The following NRDC variants were observed in gnomAD, a reference collection of about 807,000 sequenced individuals.
NRDC encodes nardilysin convertase, also known as nardilysin.
A neutral mutation model predicts 147.1 loss-of-function variants in NRDC; 54 were observed. That is an observed-to-expected ratio of 0.37 (90% CI 0.29 to 0.46). The LOEUF is 0.46. Ranked by LOEUF, NRDC falls within the 20% of genes least tolerant of loss-of-function variation. The probability of loss-of-function intolerance (pLI) is 1.00; values close to 1 mark genes in which losing one functional copy is unlikely to be tolerated. For missense variants in NRDC, 1,082 were observed against 1,370.6 expected, an observed-to-expected ratio of 0.79 and a Z score of 3.33; for synonymous variants, 440 against 482.1, an observed-to-expected ratio of 0.91 and a Z score of 1.14.
intron 28 of NRDC, 73 bp from the exon 29 acceptor site, chr1:51,790,722 C>T (rs1282059931): frequency 1.8e-6 from 2 of 1,137,966 alleles, no homozygotes; most frequent in Non-Finnish European, 2.7e-6. Flanking sequence ...TGGGCCCTGT[C>T]CAGCCCGGCT....
intron 2 of NRDC, among the ~76,000 whole-genome samples, chr1:51,839,783 G>GGA (rs947376445): frequency 6.0e-4 from 91 of 152,144 alleles, no homozygotes; most frequent in Non-Finnish European, 1.2e-3. Context: ...AGAGCCCTAG[G>GGA]CCCATGTAAA....
At chr1:51,800,513 C>T in intron 21 of NRDC, 43 bp downstream of exon 21, 1 of 1,608,122 alleles carries the variant, frequency 6.2e-7, no homozygotes. Context: ...GAGAGTAATA[C>T]TTTCAGGTCC....
At chr1:51,791,894 G>A in intron 26 of NRDC, 152 bp downstream of exon 26, 1 of 838,482 alleles carries the variant, frequency 1.2e-6, no homozygotes, top group Non-Finnish European at 1.9e-6. Flanking sequence ...TACAGTCAAA[G>A]ATACAAATTC....
At chr1:51,807,151 TGC>T (rs1285710982) in intron 17 of NRDC, among the ~76,000 whole-genome samples, 7 of 152,252 alleles carry the variant, frequency 4.6e-5, no homozygotes, top group Non-Finnish European at 8.8e-5. Flanking sequence ...CTACACATTC[TGC>T]TTCATTCCCT....
At position 51,790,613 on chromosome 1, in the gene NRDC, T is replaced by C. The variant is rs750718860; in HGVS notation, c.3088A>G (p.Thr1030Ala). The change falls in exon 29 of 31, where the codon ACC (threonine) becomes GCC (alanine). Residue 1030 changes from threonine to alanine, a missense_variant. Transcript: ENST00000352171. ...ALIKLKECED[T>A]HLGEEVDRNW... Reference sequence around the variant, plus strand: ...CTATCCACCTCCTCCCCAAGGTGGGTATCCTCACACTCCTTCAGCTTGATG... The same window carrying C: ...CTATCCACCTCCTCCCCAAGGTGGGCATCCTCACACTCCTTCAGCTTGATG... The C allele has an allele frequency of 4.3e-6, 7 of 1,613,996 alleles. No homozygotes were observed. Among genetic ancestry groups the C allele is most frequent in the South Asian group, 1.1e-5 (1 of 91,084 alleles).
intron 23 of NRDC, 92 bp from the exon 24 acceptor site, chr1:51,794,702 A>C: frequency 6.3e-7 from 1 of 1,580,930 alleles, no homozygotes; most frequent in East Asian, 2.2e-5. Context: ...CACCAGCCTC[A>C]AAAAAATCTA....
rs779567293 is a variant in NRDC at position 51,878,388 on chromosome 1, G to A, written c.228C>T (p.Ser76=). The A allele has an allele frequency of 3.7e-6, 6 of 1,614,146 alleles. No individual in the cohort carries two copies. In the East Asian group the frequency reaches 1.3e-4, roughly 36 times the overall value. Reference sequence around the variant, plus strand: ...CATCCGCTCCTAGACGGGCAACCCGGCTGTTCTCGCCCAGATCCTGTCCAT... The same window carrying A: ...CATCCGCTCCTAGACGGGCAACCCGACTGTTCTCGCCCAGATCCTGTCCAT... ...QPNGQDLGEN[S]RVARLGADES... The change falls in exon 1 of 31, where the codon AGC becomes AGT. Residue 76 remains serine, a synonymous_variant. Coordinates refer to ENST00000352171, the MANE Select transcript of NRDC (RefSeq NM_001101662.2).
At chr1:51,799,054 T>C (rs1364892265) in intron 21 of NRDC, 3 of 152,246 alleles carry the variant, frequency 2.0e-5, no homozygotes, top group African/African-American at 7.2e-5. Flanking sequence ...TTTATTATTA[T>C]TCTTTTATAA....
chr1:51,807,062 T>A lies in NRDC; in HGVS notation c.1991-149A>T. On this transcript the variant is annotated intron_variant, in intron 17 of 30. Coordinates refer to ENST00000352171, the MANE Select transcript of NRDC (RefSeq NM_001101662.2). Reference sequence around the variant, plus strand: ...GGAATACATTAAATTAGTAGACCAATACCAAAGGGAAAACTATGTTGGTCT... The same window carrying A: ...GGAATACATTAAATTAGTAGACCAAAACCAAAGGGAAAACTATGTTGGTCT... 4 of 794,948 alleles carry A rather than the reference T, an allele frequency of 5.0e-6. No individual in the cohort carries two copies. The South Asian group carries it at 8.7e-5, about 17-fold the overall frequency. 49.2% of individuals were successfully genotyped at this position (794,948 alleles called of 1,614,324 possible).
chr1:51,875,328 C>A (rs1683270230), intron 1 of NRDC, among the ~76,000 whole-genome samples: 1 of 152,132 alleles, frequency 6.6e-6, no homozygotes, highest in Non-Finnish European at 1.5e-5. Flanking sequence ...CACTGCTGTT[C>A]TAACCAACCC....
intron 1 of NRDC, among the ~76,000 whole-genome samples, chr1:51,867,668 T>C (rs908050685): frequency 2.0e-5 from 3 of 152,200 alleles, no homozygotes; most frequent in Non-Finnish European, 4.4e-5. Flanking sequence ...CTATGCAGTA[T>C]GATGCTGATA....
intron 2 of NRDC, among the ~76,000 whole-genome samples, chr1:51,836,795 A>G (rs1168364042): frequency 6.6e-6 from 1 of 152,224 alleles, no homozygotes; most frequent in Non-Finnish European, 1.5e-5. Context: ...TAAATTTTAA[A>G]GAGGCTTTTT....
intron 11 of NRDC, among the ~76,000 whole-genome samples, chr1:51,815,233 A>G (rs2149204145): frequency 7.1e-6 from 1 of 140,320 alleles, no homozygotes; most frequent in Admixed American, 7.3e-5. Context: ...AATGTTGCCC[A>G]GTCTGGTCTC....
At chr1:51,846,255 G>A (rs1406905874) in intron 1 of NRDC, among the ~76,000 whole-genome samples, 1 of 152,092 alleles carries the variant, frequency 6.6e-6, no homozygotes, top group South Asian at 2.1e-4. Context: ...TGGGACCACA[G>A]GCGTGCACCA....
chr1:51,841,998 T>C, intron 1 of NRDC, among the ~76,000 whole-genome samples: 1 of 152,010 alleles, frequency 6.6e-6, no homozygotes, highest in Non-Finnish European at 1.5e-5. Context: ...TAGCGAAACC[T>C]CATTTCTACA....
At chr1:51,875,312 G>A (rs1033269095) in intron 1 of NRDC, among the ~76,000 whole-genome samples, 2 of 152,182 alleles carry the variant, frequency 1.3e-5, no homozygotes, top group Admixed American at 6.5e-5. Context: ...GAGGGTTATT[G>A]AAAAACACTG....
At chr1:51,824,377 G>C (rs936811104) in intron 6 of NRDC, among the ~76,000 whole-genome samples, 3 of 152,088 alleles carry the variant, frequency 2.0e-5, no homozygotes, top group Non-Finnish European at 4.4e-5. Flanking sequence ...ACCCGCCTCG[G>C]CCTCCCAAAG....
intron 1 of NRDC, among the ~76,000 whole-genome samples, chr1:51,854,082 A>C (rs1682117727): frequency 6.6e-6 from 1 of 152,164 alleles, no homozygotes; most frequent in Non-Finnish European, 1.5e-5. Flanking sequence ...GGAACTTACT[A>C]TCCTCAGCCA....
chr1:51,814,486 G>A (rs528109063), intron 13 of NRDC, 65 bp downstream of exon 13: 118 of 1,490,348 alleles, frequency 7.9e-5, no homozygotes, highest in South Asian at 1.2e-4. Flanking sequence ...CATGTCTACC[G>A]GCAGCCTGAA....
Sources: gnomAD v4.1 joint callset for allele counts (sites outside exome capture counted in the v4.1 genomes callset) on GRCh38, gnomAD v4.1.1 for gene constraint, MANE v1.5 for transcripts, NCBI Gene and HGNC (gene_info 2026-07-23, HGNC 2026-07-21) for gene names.